MON2: variants seen among roughly 807,000 people sequenced by gnomAD.
MON2 encodes MON2 regulator of endosome-to-Golgi trafficking.
Under a neutral mutation model 208.6 loss-of-function variants are expected in MON2, and 84 were observed. That is an observed-to-expected ratio of 0.40 (90% CI 0.34 to 0.48). The LOEUF (loss-of-function observed/expected upper bound fraction) is 0.48, where lower values mean the gene tolerates loss of function less well. Among genes scored for constraint, MON2 ranks in the 20% least tolerant of loss-of-function variants. MON2 has a pLI of 0.59. For missense variants in MON2, 1,611 were observed against 2,015.4 expected (o/e 0.80, Z 3.84); for synonymous variants, 660 against 694.0 (o/e 0.95, Z 0.77).
At chr12:62,530,433 G>A (rs370068587) in intron 11 of MON2, among the ~76,000 whole-genome samples, 4 of 151,754 alleles carry the variant, frequency 2.6e-5, no homozygotes, top group South Asian at 2.1e-4. Context: ...GGGTTTCACC[G>A]TGTTAGCCAG....
Position 62,494,097 on chromosome 12 carries a change from T to C in MON2, c.303+55T>C, listed in dbSNP as rs933466496. On this transcript the variant is annotated intron_variant, in intron 3 of 34. Coordinates refer to ENST00000393630, the MANE Select transcript of MON2 (RefSeq NM_015026.3). ...CTAAGAGTTGAATCAGAAGTTTTCA[T>C]GAAAGGAGAATGAAACATACCTGAT... 6.2e-5 allele frequency: 93 copies of C among 1,493,162 alleles called. No individual in the cohort carries two copies. The Admixed American group carries it at 1.6e-3, about 26-fold the overall frequency. 92.5% of individuals were successfully genotyped at this position (1,493,162 alleles called of 1,614,324 possible).
intron 22 of MON2, among the ~76,000 whole-genome samples, chr12:62,548,291 A>G (rs948303061): frequency 2.5e-4 from 38 of 152,202 alleles, no homozygotes; most frequent in African/African-American, 8.4e-4. Context: ...GAAAATAGCA[A>G]TCAGGAGTGA....
intron 25 of MON2, among the ~76,000 whole-genome samples, chr12:62,559,090 G>T (rs762929818): frequency 1.3e-5 from 2 of 152,112 alleles, no homozygotes; most frequent in Non-Finnish European, 1.5e-5. Flanking sequence ...AGTACCTATT[G>T]TTTTATACCA....
intron 24 of MON2, among the ~76,000 whole-genome samples, chr12:62,555,625 C>T (rs2073933265): frequency 6.6e-6 from 1 of 152,128 alleles, no homozygotes; most frequent in Non-Finnish European, 1.5e-5. Flanking sequence ...GCCTGGCCAA[C>T]ATGATGAAAC....
At chr12:62,584,644 G>A (rs756247155) in intron 32 of MON2, among the ~76,000 whole-genome samples, 8 of 149,440 alleles carry the variant, frequency 5.4e-5, no homozygotes, top group Non-Finnish European at 7.4e-5. Context: ...CAGAGGTTGC[G>A]GTGAGCCAAG....
intron 9 of MON2, 143 bp downstream of exon 9, chr12:62,524,782 G>T: frequency 1.2e-6 from 1 of 867,596 alleles, no homozygotes; most frequent in Non-Finnish European, 1.7e-6. Context: ...AGAAAATAGG[G>T]TATTGTATCT....
chr12:62,534,481 T>TG (rs1425964438), intron 12 of MON2, among the ~76,000 whole-genome samples: 3 of 128,446 alleles, frequency 2.3e-5, no homozygotes, highest in Non-Finnish European at 4.7e-5. Flanking sequence ...ATCATGCCAC[T>TG]GCACTCCAGC....
intron 34 of MON2, among the ~76,000 whole-genome samples, chr12:62,592,049 A>G (rs956252964): frequency 3.9e-5 from 6 of 152,196 alleles, no homozygotes; most frequent in African/African-American, 1.2e-4. Flanking sequence ...TCCCCACTCA[A>G]GTCTACATCT....
chr12:62,574,439 T>A (rs886966777), intron 30 of MON2, among the ~76,000 whole-genome samples: 1 of 152,092 alleles, frequency 6.6e-6, no homozygotes. Context: ...TGAAGTCGCA[T>A]GTTCATGGCT....
At chr12:62,530,282 G>A (rs1375763068) in intron 11 of MON2, among the ~76,000 whole-genome samples, 1 of 148,354 alleles carries the variant, frequency 6.7e-6, no homozygotes, top group African/African-American at 2.5e-5. Context: ...CCAGGCTGGA[G>A]TGCAGTGGTG....
intron 29 of MON2, among the ~76,000 whole-genome samples, chr12:62,570,199 G>C (rs1176049577): frequency 1.3e-5 from 2 of 152,144 alleles, no homozygotes; most frequent in African/African-American, 4.8e-5. Context: ...CAGTTGAAAA[G>C]AGAAGTCACT....
At chr12:62,533,135 G>A (rs2072738742) in intron 12 of MON2, among the ~76,000 whole-genome samples, 1 of 152,098 alleles carries the variant, frequency 6.6e-6, no homozygotes, top group South Asian at 2.1e-4. Context: ...GTCAGTTTGA[G>A]TTTGTGTTGT....
chr12:62,467,388 C>A, intron 1 of MON2, 70 bp downstream of exon 1: 1 of 1,278,760 alleles, frequency 7.8e-7, no homozygotes, highest in Non-Finnish European at 1.1e-6. Context: ...AGTGCTTCAC[C>A]CCAGTTTCCA....
chr12:62,553,050 T>C lies in MON2; in HGVS notation c.3086T>C (p.Leu1029Ser). ...TTGTGGTTATGTCTTTATGCAAAAT[T>C]GGGTGAACTATGTGTGGATCCCCGT... ...DCLWLCLYAK[L>S]GELCVDPRPA... Residue 1029 changes from leucine (L) to serine (S), a missense_variant, in exon 24 of 35, where the codon TTG becomes TCG. Leu to Ser is a moderately radical substitution (Grantham distance 145). Transcript: ENST00000393630. 1 of 1,614,150 alleles carries C rather than the reference T, an allele frequency of 6.2e-7. No homozygotes were observed. Among genetic ancestry groups the C allele is most frequent in the Non-Finnish European group, 8.5e-7 (1 of 1,180,018 alleles).
intron 34 of MON2, among the ~76,000 whole-genome samples, chr12:62,590,122 G>A (rs1340734368): frequency 6.6e-6 from 1 of 152,070 alleles, no homozygotes; most frequent in African/African-American, 2.4e-5. Context: ...ACAGGCTCTT[G>A]CTCTGTCGCC....
intron 32 of MON2, among the ~76,000 whole-genome samples, chr12:62,582,403 C>A (rs537235992): frequency 6.6e-6 from 1 of 152,208 alleles, no homozygotes; most frequent in Admixed American, 6.5e-5. Flanking sequence ...GAGAGTCCTT[C>A]ACCACCACAA....
intron 8 of MON2, among the ~76,000 whole-genome samples, chr12:62,510,379 A>G (rs766075894): frequency 4.9e-4 from 74 of 152,222 alleles, no homozygotes; most frequent in Non-Finnish European, 7.8e-4. Flanking sequence ...GATTAAAAAA[A>G]TTCTCAAGAA....
At chr12:62,500,734 T>C in intron 5 of MON2, 49 bp from the exon 6 acceptor site, 1 of 807,190 alleles carries the variant, frequency 1.2e-6, no homozygotes, top group Non-Finnish European at 2.0e-6. Flanking sequence ...ATATATAATT[T>C]ATTAAAGGCT....
intron 20 of MON2, among the ~76,000 whole-genome samples, chr12:62,544,008 T>G (rs1297699111): frequency 6.6e-6 from 1 of 152,220 alleles, no homozygotes; most frequent in East Asian, 1.9e-4. Flanking sequence ...TTGTCTTACA[T>G]TCAGGTTGAG....
Sources: allele counts gnomAD v4.1 joint callset (sites outside exome capture counted in the v4.1 genomes callset), GRCh38; gene constraint gnomAD v4.1.1; transcripts MANE v1.5; gene names NCBI Gene and HGNC (gene_info 2026-07-23, HGNC 2026-07-21).